The following AOAH variants were observed in gnomAD, a reference collection of about 807,000 sequenced individuals.
AOAH encodes acyloxyacyl hydrolase.
Under a neutral mutation model 92.2 loss-of-function variants are expected in AOAH, and 64 were observed. That is an observed-to-expected ratio of 0.69 (90% confidence interval 0.57 to 0.86). The LOEUF is 0.86. Ranked by LOEUF, AOAH falls within the 40% of genes least tolerant of loss-of-function variation. The pLI, the probability that AOAH is intolerant of heterozygous loss-of-function variation, is 0.00. For missense variants in AOAH, 656 were observed against 694.6 expected (o/e 0.94, Z 0.62); for synonymous variants, 263 against 254.5 (o/e 1.03, Z -0.32).
intron 4 of AOAH, among the ~76,000 whole-genome samples, chr7:36,638,709 C>T (rs1341177901): frequency 2.0e-5 from 3 of 152,190 alleles, no homozygotes; most frequent in Non-Finnish European, 4.4e-5. Context: ...CCTGGGCCTG[C>T]TACCTGTACA....
chr7:36,701,474 C>A (rs1488019298), intron 1 of AOAH, among the ~76,000 whole-genome samples: 3 of 149,954 alleles, frequency 2.0e-5, no homozygotes, highest in Non-Finnish European at 4.4e-5. Context: ...TTAATATTGA[C>A]AATTATATTA....
Position 36,618,363 on chromosome 7 carries a change from T to C in AOAH, c.703-18A>G, listed in dbSNP as rs369945045. 21 of 1,613,286 alleles carry C rather than the reference T, an allele frequency of 1.3e-5. No individual in the cohort carries two copies. In the African/African-American group the frequency reaches 2.3e-4, roughly 17 times the overall value. On this transcript the variant is annotated intron_variant, in intron 9 of 20. Coordinates refer to ENST00000617537, the MANE Select transcript of AOAH (RefSeq NM_001637.4). ...TCGACACCCTTTAAAAAAGAAACGATGTGATTAGCAGTTTGGTTTTAAATT... is the reference window on the plus strand; with the variant it reads ...TCGACACCCTTTAAAAAAGAAACGACGTGATTAGCAGTTTGGTTTTAAATT...
chr7:36,620,547 G>A (rs1277567100), intron 9 of AOAH, among the ~76,000 whole-genome samples: 1 of 152,164 alleles, frequency 6.6e-6, no homozygotes, highest in Non-Finnish European at 1.5e-5. Context: ...TTAGATGTGG[G>A]TGACCTTAAG....
At chr7:36,571,573 C>G (rs1168300350) in intron 13 of AOAH, among the ~76,000 whole-genome samples, 1 of 152,244 alleles carries the variant, frequency 6.6e-6, no homozygotes, top group East Asian at 1.9e-4. Flanking sequence ...ACAGCCATCT[C>G]CTGCCTCTCA....
chr7:36,644,143 A>C (rs1230103821), intron 4 of AOAH, among the ~76,000 whole-genome samples: 1 of 152,160 alleles, frequency 6.6e-6, no homozygotes, highest in Non-Finnish European at 1.5e-5. Flanking sequence ...ACAGTTTAGA[A>C]AGTGTTAAGT....
chr7:36,626,388 C>A (rs1280872538), intron 6 of AOAH, among the ~76,000 whole-genome samples: 1 of 152,202 alleles, frequency 6.6e-6, no homozygotes, highest in Non-Finnish European at 1.5e-5. Context: ...GATTTATTAA[C>A]CTTTGTCTGC....
chr7:36,601,385 G>A (rs1562609039), intron 11 of AOAH, among the ~76,000 whole-genome samples: 1 of 141,852 alleles, frequency 7.0e-6, no homozygotes, highest in African/African-American at 2.5e-5. Flanking sequence ...GGAAGGGGAG[G>A]GAGAGAGAGA....
intron 13 of AOAH, among the ~76,000 whole-genome samples, chr7:36,575,751 T>G (rs1373568752): frequency 6.6e-6 from 1 of 152,262 alleles, no homozygotes; most frequent in Middle Eastern, 3.2e-3. Context: ...ACATTATTTG[T>G]AGGTCACATA....
At chr7:36,683,182 T>C (rs1330152666) in intron 2 of AOAH, among the ~76,000 whole-genome samples, 1 of 152,200 alleles carries the variant, frequency 6.6e-6, no homozygotes, top group Non-Finnish European at 1.5e-5. Context: ...AGACATCATG[T>C]GCCAAGGAGT....
At chr7:36,653,182 T>C (rs950939866) in intron 4 of AOAH, among the ~76,000 whole-genome samples, 1 of 152,146 alleles carries the variant, frequency 6.6e-6, no homozygotes, top group Admixed American at 6.5e-5. Context: ...TGTGAGCTCA[T>C]AGGGCTAAAA....
chr7:36,670,488 G>A (rs904827465), intron 3 of AOAH, among the ~76,000 whole-genome samples: 4 of 152,154 alleles, frequency 2.6e-5, no homozygotes, highest in East Asian at 3.9e-4. Flanking sequence ...GCGAGAATTA[G>A]TCTCTTTATT....
intron 8 of AOAH, among the ~76,000 whole-genome samples, chr7:36,621,145 T>C (rs1054390234): frequency 6.6e-6 from 1 of 152,248 alleles, no homozygotes; most frequent in African/African-American, 2.4e-5. Flanking sequence ...TGAACAAATC[T>C]GCATCCCATT....
At chr7:36,621,977 CTA>C (rs748858573) in intron 7 of AOAH, among the ~76,000 whole-genome samples, 197 bp from the exon 8 acceptor site, 43 of 152,100 alleles carry the variant, frequency 2.8e-4, no homozygotes, top group Non-Finnish European at 2.8e-4. Context: ...TAATATAACA[CTA>C]GGGCCAATAT....
At chr7:36,589,155 T>C (rs2727797) in intron 12 of AOAH, among the ~76,000 whole-genome samples, 94,864 of 151,976 alleles carry the variant, frequency 0.62, 30,429 homozygotes, top group African/African-American at 0.78. Flanking sequence ...ACCTTCAGAA[T>C]AAGGGGATAC....
chr7:36,707,619 C>T (rs1249653829), intron 1 of AOAH, among the ~76,000 whole-genome samples: 5 of 152,122 alleles, frequency 3.3e-5, no homozygotes, highest in African/African-American at 1.2e-4. Flanking sequence ...TGTCATTTTA[C>T]TACCTTCTGG....
At chr7:36,640,792 C>A (rs968694498) in intron 4 of AOAH, among the ~76,000 whole-genome samples, 3 of 152,058 alleles carry the variant, frequency 2.0e-5, no homozygotes, top group African/African-American at 7.3e-5. Context: ...CCAGAAGCCA[C>A]CACTGGCTCC....
chr7:36,569,042 TA>T (rs369623284), intron 13 of AOAH, among the ~76,000 whole-genome samples: 15 of 152,158 alleles, frequency 9.9e-5, no homozygotes, highest in East Asian at 7.8e-4. Flanking sequence ...AATTCTCAAT[TA>T]TTTTTTTTCA....
Position 36,623,219 on chromosome 7 carries a change from C to T in AOAH, c.553G>A (p.Val185Met), listed in dbSNP as rs1792409773. The T allele has an allele frequency of 4.3e-6, 7 of 1,613,994 alleles. No individual in the cohort carries two copies. In the Admixed American group the frequency reaches 6.7e-5, roughly 15 times the overall value. ...AAAACGCTGTATTTGTCTGAATCCACATCTTTGAATGGCACAGACTGTTCC... is the reference window on the plus strand; with the variant it reads ...AAAACGCTGTATTTGTCTGAATCCATATCTTTGAATGGCACAGACTGTTCC... ...AMEQSVPFKD[V>M]DSDKYSVFPT... The change falls in exon 7 of 21, where the codon GTG becomes ATG. Residue 185 changes from valine to methionine, a missense_variant. Physicochemically the swap from Val to Met is conservative, Grantham distance 21 (BLOSUM62 1). Coordinates refer to ENST00000617537, the MANE Select transcript of AOAH (RefSeq NM_001637.4).
At chr7:36,653,818 G>A (rs1794718436) in intron 4 of AOAH, among the ~76,000 whole-genome samples, 6 of 152,156 alleles carry the variant, frequency 3.9e-5, no homozygotes, top group Non-Finnish European at 8.8e-5. Flanking sequence ...GCACTGCTGT[G>A]GTTAGGAAAG....
Sources: gnomAD v4.1 joint callset for allele counts (sites outside exome capture counted in the v4.1 genomes callset) on GRCh38, gnomAD v4.1.1 for gene constraint, MANE v1.5 for transcripts, NCBI Gene and HGNC (gene_info 2026-07-23, HGNC 2026-07-21) for gene names.